Variants in MTHFS observed in about 807,000 individuals in gnomAD.
MTHFS encodes the protein methenyltetrahydrofolate synthetase.
MTHFS carries 7 observed loss-of-function variants against 12.7 expected under a neutral mutation model. That is an observed-to-expected ratio of 0.55 (90% confidence interval 0.31 to 1.03). MTHFS has a LOEUF of 1.03. Ranked by LOEUF, MTHFS falls within the 50% of genes least tolerant of loss-of-function variation. The probability of loss-of-function intolerance (pLI) is 0.05; values close to 1 mark genes in which losing one functional copy is unlikely to be tolerated. For missense variants in MTHFS, 252 were observed against 258.1 expected (o/e 0.98, Z 0.16); for synonymous variants, 100 against 97.1 (o/e 1.03, Z -0.18).
chr15:79,895,475 A>T (rs144610281), intron 1 of MTHFS, among the ~76,000 whole-genome samples: 1 of 152,170 alleles, frequency 6.6e-6, no homozygotes. Flanking sequence ...AGCAACAATC[A>T]TATCTTTTTC....
chr15:79,874,084 T>C (rs77369547), intron 2 of MTHFS, among the ~76,000 whole-genome samples: 2,344 of 152,316 alleles, frequency 0.015, 69 homozygotes, highest in African/African-American at 0.054. Context: ...TGGAGCTTCA[T>C]GCATTCCAGT....
chr15:79,845,455 G>T lies in MTHFS; in HGVS notation c.380-13C>A. 6.2e-7 allele frequency: 1 copy of T among 1,608,690 alleles called. No homozygotes were observed. Among genetic ancestry groups the T allele is most frequent in the Non-Finnish European group, 8.5e-7 (1 of 1,176,042 alleles). On this transcript the variant is annotated splice_polypyrimidine_tract_variant and intron_variant, in intron 2 of 2. Coordinates refer to ENST00000258874, the MANE Select transcript of MTHFS (RefSeq NM_006441.4). ...AGATCAAGTCCCCCTGCGGAAAAGA[G>T]GAACAAATTTAAGAGGATTAATTGT...
chr15:79,896,091 G>C (rs1183134372), intron 1 of MTHFS, among the ~76,000 whole-genome samples: 2 of 152,234 alleles, frequency 1.3e-5, no homozygotes, highest in African/African-American at 4.8e-5. Context: ...TGCAGTTGGT[G>C]AAAGTAATGA....
intron 1 of MTHFS, among the ~76,000 whole-genome samples, chr15:79,892,899 C>T (rs2034498554): frequency 6.6e-6 from 1 of 151,768 alleles, no homozygotes; most frequent in African/African-American, 2.4e-5. Context: ...TGCAGTGAGC[C>T]GAGATTGGGC....
chr15:79,860,282 G>A (rs750795850), intron 2 of MTHFS, among the ~76,000 whole-genome samples: 20 of 151,838 alleles, frequency 1.3e-4, no homozygotes, highest in East Asian at 1.9e-4. Flanking sequence ...TCAGCTACTC[G>A]GGAGGCTGAG....
chr15:79,868,028 T>C (rs933826219), intron 2 of MTHFS, among the ~76,000 whole-genome samples: 9 of 152,310 alleles, frequency 5.9e-5, no homozygotes, highest in African/African-American at 2.2e-4. Flanking sequence ...TTTTTTATTT[T>C]TTATTTTGAG....
intron 2 of MTHFS, 120 bp downstream of exon 2, chr15:79,888,973 G>A: frequency 1.4e-6 from 2 of 1,439,548 alleles, no homozygotes; most frequent in Non-Finnish European, 1.8e-6. Context: ...TGGAACGTAG[G>A]CAAAATACAA....
At chr15:79,849,464 C>G (rs36060920) in intron 2 of MTHFS, among the ~76,000 whole-genome samples, 11,341 of 152,232 alleles carry the variant, frequency 0.074, 477 homozygotes, top group Non-Finnish European at 0.09. Context: ...AAGGTGACAG[C>G]TCAGTGGGGC....
chr15:79,879,321 CTTTTTTT>C (rs565488885), intron 2 of MTHFS, among the ~76,000 whole-genome samples: 2 of 79,330 alleles, frequency 2.5e-5, no homozygotes, highest in Non-Finnish European at 4.5e-5. Context: ...AATTATTACC[CTTTTTTT>C]TTTTTTTTTT....
Position 79,889,179 on chromosome 15 carries a change from G to A in MTHFS, c.293C>T (p.Pro98Leu), listed in dbSNP as rs149273610. The A allele has an allele frequency of 3.2e-4, 514 of 1,614,042 alleles. No individual in the cohort carries two copies. Among genetic ancestry groups the A allele is most frequent in the Non-Finnish European group, 4.2e-4 (500 of 1,180,032 alleles). Residue 98 changes from proline to leucine, a missense_variant, in exon 2 of 3, where the codon CCA becomes CTA. Transcript: ENST00000258874. ...NHMDMVRIESPEEISLLPKTS... is the reference protein window; with the variant it reads ...NHMDMVRIESLEEISLLPKTS... ...TTTGGGAAGTAAAGAAATTTCCTCT[G>A]GTGATTCTATTCTCACCATATCCAT...
chr15:79,896,829 G>C (rs868781547), intron 1 of MTHFS, 43 bp downstream of exon 1: 1 of 1,537,930 alleles, frequency 6.5e-7, no homozygotes, highest in Non-Finnish European at 8.7e-7. Flanking sequence ...CAGGCCTTCG[G>C]AGGGTCTGTC....
chr15:79,893,260 A>C (rs1365012859), intron 1 of MTHFS, among the ~76,000 whole-genome samples: 1 of 151,272 alleles, frequency 6.6e-6, no homozygotes, highest in African/African-American at 2.4e-5. Context: ...AAAATTAGTC[A>C]GGCGTGGCGG....
chr15:79,885,496 AC>A (rs2034366920), intron 2 of MTHFS, among the ~76,000 whole-genome samples: 1 of 152,110 alleles, frequency 6.6e-6, no homozygotes, highest in Non-Finnish European at 1.5e-5. Context: ...AAACACTCTC[AC>A]CCTACTCTCA....
chr15:79,843,954 G>A lies in MTHFS; in HGVS notation c.*1256C>T, dbSNP rs545668143. The A allele has an allele frequency of 9.2e-5, 14 of 152,388 alleles. No individual in the cohort carries two copies. The highest frequency in any genetic ancestry group is 3.4e-4 in the African/African-American group (14 of 41,590). 9.4% of individuals were successfully genotyped at this position (152,388 alleles called of 1,614,324 possible). On this transcript the variant is annotated 3_prime_UTR_variant, in exon 3 of 3. Coordinates refer to ENST00000258874, the MANE Select transcript of MTHFS (RefSeq NM_006441.4). ...GTCTTCTAGATGAACAACAGAAAGA[G>A]CATTTCAGACAGAGAGAAATGCATG...
chr15:79,894,913 T>G (rs1164930701), intron 1 of MTHFS, among the ~76,000 whole-genome samples: 1 of 152,186 alleles, frequency 6.6e-6, no homozygotes, highest in African/African-American at 2.4e-5. Flanking sequence ...TTCACTTGAA[T>G]TGGCACAACA....
At chr15:79,872,225 C>G (rs916796189) in intron 2 of MTHFS, among the ~76,000 whole-genome samples, 3 of 151,550 alleles carry the variant, frequency 2.0e-5, no homozygotes, top group East Asian at 1.9e-4. Flanking sequence ...ACTAATGAAG[C>G]TTTTTTATGC....
chr15:79,883,915 GA>G (rs1366319914), intron 2 of MTHFS, among the ~76,000 whole-genome samples: 15 of 152,246 alleles, frequency 9.9e-5, no homozygotes, highest in African/African-American at 3.6e-4. Flanking sequence ...TTCTAGACTG[GA>G]AAATGGTATA....
chr15:79,896,166 TC>T (rs1382114623), intron 1 of MTHFS, among the ~76,000 whole-genome samples: 5 of 152,224 alleles, frequency 3.3e-5, no homozygotes, highest in African/African-American at 1.2e-4. Context: ...CTCTTCTGTT[TC>T]CTACGTTCTT....
intron 2 of MTHFS, among the ~76,000 whole-genome samples, chr15:79,883,160 C>T (rs1319003816): frequency 2.0e-5 from 3 of 152,344 alleles, no homozygotes; most frequent in Non-Finnish European, 1.5e-5. Context: ...GCTATGATTA[C>T]ACCCCTGCAC....
Sources: allele counts gnomAD v4.1 joint callset (sites outside exome capture counted in the v4.1 genomes callset), GRCh38; gene constraint gnomAD v4.1.1; transcripts MANE v1.5; gene names NCBI Gene and HGNC (gene_info 2026-07-23, HGNC 2026-07-21).